The following OPCML variants were observed in gnomAD, a reference collection of about 807,000 sequenced individuals.
OPCML encodes the protein opioid binding protein/cell adhesion molecule like.
OPCML carries 13 observed loss-of-function variants against 37.8 expected under a neutral mutation model. The ratio of observed to expected loss-of-function variants is 0.34; its 90% confidence interval spans 0.22 to 0.55. The LOEUF (loss-of-function observed/expected upper bound fraction) is 0.55, where lower values mean the gene tolerates loss of function less well. Among genes scored for constraint, OPCML ranks in the 20% least tolerant of loss-of-function variants. The pLI is 0.91. For synonymous variants in OPCML, 176 were observed against 168.8 expected, an observed-to-expected ratio of 1.04 and a Z score of -0.33; for missense variants, 341 against 435.6, an observed-to-expected ratio of 0.78 and a Z score of 1.93.
chr11:132,748,986 C>T (rs1174213684), intron 2 of OPCML, among the ~76,000 whole-genome samples: 10 of 152,120 alleles, frequency 6.6e-5, no homozygotes, highest in African/African-American at 2.4e-4. Flanking sequence ...GCCTTCTCCT[C>T]CCTAAAAAAA....
chr11:132,665,006 G>A (rs1010151844), intron 2 of OPCML, among the ~76,000 whole-genome samples: 1 of 152,158 alleles, frequency 6.6e-6, no homozygotes, highest in Non-Finnish European at 1.5e-5. Context: ...GCCACTCGCT[G>A]GAAAATTGGA....
intron 1 of OPCML, among the ~76,000 whole-genome samples, chr11:133,291,454 C>G (rs948202): frequency 0.56 from 85,100 of 152,114 alleles, 25,712 homozygotes; most frequent in African/African-American, 0.78. Flanking sequence ...GGTGGTCAGC[C>G]TGCTGCTGGT....
intron 1 of OPCML, among the ~76,000 whole-genome samples, chr11:133,105,366 C>CA (rs940499276): frequency 9.9e-5 from 15 of 151,092 alleles, no homozygotes; most frequent in South Asian, 2.1e-4. Context: ...TTACATCATA[C>CA]AAAAAAAAGA....
intron 1 of OPCML, chr11:133,421,115 A>C (rs1945877153): frequency 2.0e-6 from 2 of 985,430 alleles, no homozygotes; most frequent in Non-Finnish European, 2.4e-6. Context: ...GTGTTACCAA[A>C]TGTTCTCCAA....
At chr11:132,504,929 C>T (rs2096253290) in intron 4 of OPCML, among the ~76,000 whole-genome samples, 2 of 152,090 alleles carry the variant, frequency 1.3e-5, no homozygotes, top group Admixed American at 6.6e-5. Context: ...AATGGGCTTG[C>T]AATACCAATG....
intron 1 of OPCML, among the ~76,000 whole-genome samples, chr11:133,258,804 G>A (rs1941402609): frequency 1.3e-5 from 2 of 152,046 alleles, no homozygotes; most frequent in African/African-American, 4.8e-5. Flanking sequence ...TCACAGCCCA[G>A]GGGGCCCCAC....
In OPCML at chr11:133,221,355, T is replaced by C. The variant is rs77505316; in HGVS notation, c.62-278345A>G. Among the ~76,000 whole-genome samples the C allele has an allele frequency of 6.4e-3, 980 of 152,348 alleles. 31 individuals are homozygous for C. The East Asian group carries it at 0.091, about 14-fold the overall frequency. Reference sequence around the variant, plus strand: ...TCATTTCTGCAACATCCTAGGCCCCTTTCTCACCTTCACATAACAACTGCA... The same window carrying C: ...TCATTTCTGCAACATCCTAGGCCCCCTTCTCACCTTCACATAACAACTGCA... On this transcript the variant is annotated intron_variant, in intron 1 of 7. Transcript: ENST00000524381.
At chr11:133,103,817 T>C (rs895405826) in intron 1 of OPCML, among the ~76,000 whole-genome samples, 1 of 152,112 alleles carries the variant, frequency 6.6e-6, no homozygotes, top group African/African-American at 2.4e-5. Context: ...TCAATCGAGG[T>C]AGTTGGGAAA....
chr11:132,424,231 T>C (rs1381809074), intron 7 of OPCML, among the ~76,000 whole-genome samples: 3 of 151,956 alleles, frequency 2.0e-5, no homozygotes, highest in South Asian at 2.1e-4. Context: ...GCCGTTCTCC[T>C]GCCTCATCCT....
rs1463085754 is a variant in OPCML, at chr11:133,497,856, C to T, written c.61+34408G>A. Reference sequence around the variant, plus strand: ...AAATCCATTAATCCTCTTTATTAAACCTGGGTCACCTCTGAGTCCCGGCAA... The same window carrying T: ...AAATCCATTAATCCTCTTTATTAAATCTGGGTCACCTCTGAGTCCCGGCAA... On this transcript the variant is annotated intron_variant, in intron 1 of 7. Transcript: ENST00000524381. 2.0e-5 allele frequency among the ~76,000 whole-genome samples: 3 copies of T among 152,230 alleles called. No homozygotes were observed. The East Asian group carries it at 5.8e-4, about 29-fold the overall frequency.
In OPCML at chr11:132,805,891, ACTG is replaced by A. The variant is rs554366922; in HGVS notation, c.146+137032_146+137034del. Among the ~76,000 whole-genome samples the A allele has an allele frequency of 2.3e-3, 348 of 152,316 alleles. 2 individuals carry two copies. The highest frequency in any genetic ancestry group is 3.6e-3 in the Non-Finnish European group (244 of 68,022). ...TTACTTTTCAAAATTTACTTTAAAA[ACTG>A]CTATTTATAGCAAAAATAATAACAG... On this transcript the variant is annotated intron_variant, in intron 2 of 7. Coordinates refer to ENST00000524381, the MANE Select transcript of OPCML (RefSeq NM_001012393.5).
chr11:133,371,955 G>A (rs191816906), intron 1 of OPCML, among the ~76,000 whole-genome samples: 133 of 152,238 alleles, frequency 8.7e-4, no homozygotes, highest in Non-Finnish European at 2.5e-4. Context: ...TTACTTACAC[G>A]TGGGAGCTAA....
At chr11:132,508,998 C>T (rs1327192124) in intron 4 of OPCML, among the ~76,000 whole-genome samples, 2 of 152,056 alleles carry the variant, frequency 1.3e-5, no homozygotes, top group African/African-American at 4.8e-5. Context: ...AAAGTTTGGA[C>T]CTCCCTAAAT....
chr11:132,820,723 T>G (rs543804330), intron 2 of OPCML, among the ~76,000 whole-genome samples: 71 of 152,228 alleles, frequency 4.7e-4, no homozygotes, highest in African/African-American at 1.7e-3. Flanking sequence ...CTCAGGCAGT[T>G]TGGTGACAGA....
intron 3 of OPCML, among the ~76,000 whole-genome samples, chr11:132,620,860 C>T (rs1375091817): frequency 6.6e-6 from 1 of 152,158 alleles, no homozygotes; most frequent in Admixed American, 6.5e-5. Context: ...GATCCCATGC[C>T]CTGAAGAATC....
intron 1 of OPCML, among the ~76,000 whole-genome samples, chr11:133,322,414 G>C (rs1173483185): frequency 6.6e-6 from 1 of 152,102 alleles, no homozygotes; most frequent in African/African-American, 2.4e-5. Flanking sequence ...TTTTCAACTG[G>C]GATATGCAAA....
chr11:133,451,145 T>A (rs1410151816), intron 1 of OPCML, among the ~76,000 whole-genome samples: 1 of 151,700 alleles, frequency 6.6e-6, no homozygotes, highest in Admixed American at 6.6e-5. Context: ...TGTTTAAAAA[T>A]CTGCTTTCTA....
chr11:133,169,421 A>G (rs181178030), intron 1 of OPCML, among the ~76,000 whole-genome samples: 12 of 152,358 alleles, frequency 7.9e-5, no homozygotes, highest in African/African-American at 2.4e-4. Context: ...CTAAATGATT[A>G]TTAGGCACTA....
At chr11:132,975,992 G>A (rs1322454351) in intron 1 of OPCML, among the ~76,000 whole-genome samples, 2 of 152,066 alleles carry the variant, frequency 1.3e-5, no homozygotes, top group African/African-American at 2.4e-5. Context: ...GGATGGTCTC[G>A]ATCTCCTGAC....
Sources: allele counts gnomAD v4.1 joint callset (sites outside exome capture counted in the v4.1 genomes callset), GRCh38; gene constraint gnomAD v4.1.1; transcripts MANE v1.5; gene names NCBI Gene and HGNC (gene_info 2026-07-23, HGNC 2026-07-21).